DUSP16: variants seen among roughly 807,000 people sequenced by gnomAD.
DUSP16 encodes the protein dual specificity protein phosphatase 16.
A neutral mutation model predicts 58.3 loss-of-function variants in DUSP16; 21 were observed. That is an observed-to-expected ratio of 0.36 (90% CI 0.26 to 0.52). The LOEUF (loss-of-function observed/expected upper bound fraction) is 0.52. Among genes scored for constraint, DUSP16 ranks in the 20% least tolerant of loss-of-function variants. The probability of loss-of-function intolerance (pLI) is 0.94; values close to 1 mark genes in which losing one functional copy is unlikely to be tolerated. For missense variants in DUSP16, 726 were observed against 819.0 expected (o/e 0.89, Z 1.39); for synonymous variants, 320 against 323.8 (o/e 0.99, Z 0.12).
chr12:12,516,720 G>C (rs1592188732), intron 3 of DUSP16, among the ~76,000 whole-genome samples: 2 of 152,292 alleles, frequency 1.3e-5, no homozygotes, highest in South Asian at 4.1e-4. Context: ...GAAACAATCT[G>C]AAGTTTTCTC....
At chr12:12,481,983 T>C (rs943523726) in intron 5 of DUSP16, among the ~76,000 whole-genome samples, 3 of 152,202 alleles carry the variant, frequency 2.0e-5, no homozygotes, top group Admixed American at 1.3e-4. Flanking sequence ...CCCTATTACT[T>C]GATTATTGCT....
intron 1 of DUSP16, chr12:12,554,772 T>A (rs1195144004): frequency 1.3e-5 from 2 of 152,162 alleles, no homozygotes; most frequent in East Asian, 3.8e-4. Context: ...TCACCTAATA[T>A]ATATTCCATT....
In DUSP16 at chr12:12,474,683, C is replaced by T. The variant is rs1004398173; in HGVS notation, c.*2150G>A. 3.9e-5 allele frequency: 6 copies of T among 152,092 alleles called. No individual in the cohort carries two copies. Among genetic ancestry groups the T allele is most frequent in the African/African-American group, 1.4e-4 (6 of 41,382 alleles). 9.4% of individuals were successfully genotyped at this position (152,092 alleles called of 1,614,324 possible). ...TTCCAGAAGGAAGGGGGACCATGGC[C>T]AAGAGAAGCCCTAAATGACAGAAGC... On this transcript the variant is annotated 3_prime_UTR_variant, in exon 7 of 7. Transcript: ENST00000298573.
intron 1 of DUSP16, among the ~76,000 whole-genome samples, chr12:12,541,100 A>G (rs1944552931): frequency 6.6e-6 from 1 of 151,256 alleles, no homozygotes; most frequent in South Asian, 2.1e-4. Flanking sequence ...CTGGGACTAC[A>G]TGTGCACACC....
At chr12:12,504,696 AAAAAAAAAAAAAAAAAG>A (rs1943962018) in intron 3 of DUSP16, among the ~76,000 whole-genome samples, 1 of 125,514 alleles carries the variant, frequency 8.0e-6, no homozygotes, top group Non-Finnish European at 1.8e-5. Flanking sequence ...TCTGTTAAAA[AAAAAAAAAAAAAAAAAG>A]AAAGAAAGAA....
At position 12,546,578 on chromosome 12, in the gene DUSP16, T is replaced by C. The variant is rs139312257; in HGVS notation, c.-366+15539A>G. 5.0e-3 allele frequency among the ~76,000 whole-genome samples: 763 copies of C among 152,304 alleles called. 2 individuals are homozygous for C. The highest frequency in any genetic ancestry group is 8.5e-3 in the Non-Finnish European group (576 of 68,026). On this transcript the variant is annotated intron_variant, in intron 1 of 6. Coordinates refer to ENST00000298573, the MANE Select transcript of DUSP16 (RefSeq NM_030640.3). ...GGACTGGTAATGGTCAATCAAGACC[T>C]GGCAATAGGCCAGAAAGCAATATAG...
intron 1 of DUSP16, among the ~76,000 whole-genome samples, chr12:12,552,717 A>AT (rs1566059148): frequency 1.3e-5 from 2 of 152,122 alleles, no homozygotes; most frequent in African/African-American, 4.8e-5. Context: ...TTCTCACCAG[A>AT]TTTTTTTGTG....
intron 5 of DUSP16, among the ~76,000 whole-genome samples, chr12:12,484,160 G>A (rs543663446): frequency 2.0e-5 from 3 of 152,062 alleles, no homozygotes; most frequent in East Asian, 3.9e-4. Context: ...CAGAGGAGAA[G>A]ACTTAGCAAT....
chr12:12,483,982 A>T lies in DUSP16; in HGVS notation c.691+3046T>A, dbSNP rs572382926. 3.0e-3 allele frequency among the ~76,000 whole-genome samples: 451 copies of T among 151,958 alleles called. 3 individuals carry two copies. The highest frequency in any genetic ancestry group is 0.01 in the African/African-American group (418 of 41,530). ...TTAAAGTATAATAATAAATAAAAAT[A>T]AAAAAATTTAAAAATTAAAAAAAAA... On this transcript the variant is annotated intron_variant, in intron 5 of 6. Transcript: ENST00000298573.
chr12:12,528,858 C>T (rs1050792497), intron 1 of DUSP16, among the ~76,000 whole-genome samples: 13 of 151,856 alleles, frequency 8.6e-5, no homozygotes, highest in South Asian at 4.2e-4. Flanking sequence ...AAAGGGTGTG[C>T]GGGGGTGGCT....
chr12:12,527,778 A>T (rs1253562501), intron 1 of DUSP16, among the ~76,000 whole-genome samples: 1 of 152,194 alleles, frequency 6.6e-6, no homozygotes, highest in Non-Finnish European at 1.5e-5. Flanking sequence ...AAAACTATTT[A>T]GATGATACTA....
chr12:12,484,159 A>C (rs1565979078), intron 5 of DUSP16, among the ~76,000 whole-genome samples: 1 of 151,990 alleles, frequency 6.6e-6, no homozygotes, highest in Non-Finnish European at 1.5e-5. Flanking sequence ...ACAGAGGAGA[A>C]GACTTAGCAA....
Position 12,546,569 on chromosome 12 carries a change from A to G in DUSP16, c.-366+15548T>C, listed in dbSNP as rs151262809. 6.3e-3 allele frequency among the ~76,000 whole-genome samples: 958 copies of G among 152,334 alleles called. 11 individuals carry two copies. The highest frequency in any genetic ancestry group is 0.022 in the African/African-American group (898 of 41,570). ...TGTAAGAAGGGACTGGTAATGGTCA[A>G]TCAAGACCTGGCAATAGGCCAGAAA... On this transcript the variant is annotated intron_variant, in intron 1 of 6. Coordinates refer to ENST00000298573, the MANE Select transcript of DUSP16 (RefSeq NM_030640.3).
chr12:12,501,119 G>T (rs889229654), intron 3 of DUSP16, among the ~76,000 whole-genome samples: 5 of 152,090 alleles, frequency 3.3e-5, no homozygotes, highest in African/African-American at 9.7e-5. Flanking sequence ...AAAATTGATC[G>T]AGTCAAAAAT....
chr12:12,557,940 CAT>C (rs564363877), intron 1 of DUSP16, among the ~76,000 whole-genome samples: 39 of 152,358 alleles, frequency 2.6e-4, no homozygotes, highest in African/African-American at 6.7e-4. Context: ...TCTCCATACA[CAT>C]GTTAACCAAT....
At position 12,477,195 on chromosome 12, in the gene DUSP16, G is replaced by T. The variant is rs201306380; in HGVS notation, c.1636C>A (p.Pro546Thr). The T allele has an allele frequency of 6.2e-7, 1 of 1,614,184 alleles. No homozygotes were observed. Residue 546 changes from proline (P) to threonine (T), a missense_variant, in exon 7 of 7, where the codon CCC becomes ACC. By Grantham distance (38) the Pro-to-Thr change is conservative (BLOSUM62 -1). Coordinates refer to ENST00000298573, the MANE Select transcript of DUSP16 (RefSeq NM_030640.3). This position sits in a 1 kb window ranked among gnomAD's most constrained non-coding sequence, Gnocchi z 4.1. Reference protein sequence around the residue: ...LKGWHSDILAPQTSTPSLTSS... With the variant: ...LKGWHSDILATQTSTPSLTSS... ...GTCAGGGAAGGGGTAGAGGTCTGGG[G>T]GGCCAAGATATCCGAGTGCCAGCCC... is the stretch of plus-strand genomic sequence containing the variant.
intron 1 of DUSP16, among the ~76,000 whole-genome samples, chr12:12,523,582 G>A (rs1944264009): frequency 6.6e-6 from 1 of 152,150 alleles, no homozygotes; most frequent in African/African-American, 2.4e-5. Context: ...TTTCATTAAT[G>A]TATTATTTTT....
rs150703357 is a variant in DUSP16 at position 12,480,748 on chromosome 12, A to G, written c.692-402T>C. 4.4e-3 allele frequency among the ~76,000 whole-genome samples: 664 copies of G among 152,292 alleles called. 4 individuals carry two copies. Among genetic ancestry groups the G allele is most frequent in the African/African-American group, 0.015 (614 of 41,556 alleles). Reference sequence around the variant, plus strand: ...AAAATCATTATTACTATTTTGAGATAGAGTCTTGCTCTGTCGCCCAGGCTG... The same window carrying G: ...AAAATCATTATTACTATTTTGAGATGGAGTCTTGCTCTGTCGCCCAGGCTG... On this transcript the variant is annotated intron_variant, in intron 5 of 6. Transcript: ENST00000298573.
chr12:12,550,370 G>A (rs1276751338), intron 1 of DUSP16, among the ~76,000 whole-genome samples: 8 of 152,080 alleles, frequency 5.3e-5, no homozygotes, highest in Non-Finnish European at 1.0e-4. Context: ...ATCCAGAGAT[G>A]AGGAAGGAAC....
Sources: allele counts gnomAD v4.1 joint callset (sites outside exome capture counted in the v4.1 genomes callset), GRCh38; gene constraint gnomAD v4.1.1; non-coding constraint Gnocchi (gnomAD v3.1); transcripts MANE v1.5; gene names NCBI Gene and HGNC (gene_info 2026-07-23, HGNC 2026-07-21).